MUC17: variants seen among roughly 807,000 people sequenced by gnomAD.
The protein encoded by MUC17 is mucin 17, cell surface associated.
A neutral mutation model predicts 170.3 loss-of-function variants in MUC17; 190 were observed. The observed-to-expected ratio is 1.12, with a 90% CI of 0.99 to 1.26. The LOEUF is 1.26. Among genes scored for constraint, MUC17 ranks in the 50% most tolerant of loss-of-function variants. The pLI is 0.00. For synonymous variants in MUC17, 2,325 were observed against 2,002.5 expected (o/e 1.16, Z -4.30); for missense variants, 6,415 against 5,530.0 (o/e 1.16, Z -5.08).
At position 101,042,372 on chromosome 7, in the gene MUC17, T is replaced by C. The variant is rs748546470; in HGVS notation, c.10956T>C (p.Ala3652=). ...CCACATCGGTGACCATTTCTGAGGC[T>C]GGCACAGCTTCAACACTTCCTGTTG... The part of the protein sequence containing the change: ...VSTTSVTISE[A]GTASTLPVDT... The change falls in exon 3 of 13, where the codon GCT becomes GCC. Residue 3652 remains alanine (A), a synonymous_variant. Transcript: ENST00000306151. 1.2e-6 allele frequency: 2 copies of C among 1,614,164 alleles called. No individual in the cohort carries two copies. The highest frequency in any genetic ancestry group is 8.5e-7 in the Non-Finnish European group (1 of 1,179,970).
rs71557215 is a variant in MUC17 at position 101,033,533 on chromosome 7, G to A, written c.2117G>A (p.Ser706Asn). The change falls in exon 3 of 13, where the codon AGC (serine) becomes AAC (asparagine). Residue 706 changes from serine (S) to asparagine (N), a missense_variant. Physicochemically the swap from Ser to Asn is conservative, Grantham distance 46 (BLOSUM62 1). Coordinates refer to ENST00000306151, the MANE Select transcript of MUC17 (RefSeq NM_001040105.2). ...ACACTGGTGGCCAGTTCTGAGGCTA[G>A]CACCCTTTCAACAACTCCTGTTGAC... ...NTTLVASSEA[S>N]TLSTTPVDTS... The A allele has an allele frequency of 1.9e-6, 3 of 1,614,100 alleles. No homozygotes were observed. The highest frequency in any genetic ancestry group is 1.1e-5 in the South Asian group (1 of 91,066).
chr7:101,049,497 A>T, intron 6 of MUC17, 115 bp downstream of exon 6: 1 of 1,369,916 alleles, frequency 7.3e-7, no homozygotes, highest in South Asian at 1.4e-5. Flanking sequence ...CTATTGCAGA[A>T]TACCACCGAT....
intron 12 of MUC17, among the ~76,000 whole-genome samples, chr7:101,057,523 G>A (rs1795068735): frequency 6.6e-6 from 1 of 152,200 alleles, no homozygotes. Flanking sequence ...CAGGAAGATT[G>A]TCTGAAGTCA....
intron 12 of MUC17, 131 bp from the exon 13 acceptor site, chr7:101,057,872 C>T: frequency 1.4e-6 from 1 of 715,540 alleles, no homozygotes; most frequent in South Asian, 2.2e-5. Flanking sequence ...AGAGTAAGAC[C>T]CTGTCTCAAA....
chr7:101,053,239 TGGGCAGCGG>T, intron 10 of MUC17, 91 bp from the exon 11 acceptor site: 2 of 1,585,896 alleles, frequency 1.3e-6, no homozygotes, highest in Admixed American at 1.7e-5. Context: ...ATAGTCTAGG[TGGGCAGCGG>T]GGGCAGCTAA....
chr7:101,050,763 G>A, intron 7 of MUC17, 128 bp downstream of exon 7: 1 of 1,358,830 alleles, frequency 7.4e-7, no homozygotes, highest in South Asian at 1.5e-5. Context: ...TGGGGTCCTA[G>A]AGTCCCTGGG....
rs144624588 is a variant in MUC17, at chr7:101,038,092, C to A, written c.6676C>A (p.Pro2226Thr). The change falls in exon 3 of 13, where the codon CCT (proline) becomes ACT (threonine). Residue 2226 changes from proline (P) to threonine (T), a missense_variant. Transcript: ENST00000306151. ...AGGAAGCACTCCATTCACAAGTATG[C>A]CTGTCAGCACCATGCCGGTAGTTAC... ...SEGSTPFTSM[P>T]VSTMPVVTSE... 1.4e-6 allele frequency: 2 copies of A among 1,406,114 alleles called. No homozygotes were observed. Among genetic ancestry groups the A allele is most frequent in the African/African-American group, 1.5e-5 (1 of 68,816 alleles). 87.1% of individuals were successfully genotyped at this position (1,406,114 alleles called of 1,614,324 possible).
At position 101,041,611 on chromosome 7, in the gene MUC17, A is replaced by G. The variant is rs750890317; in HGVS notation, c.10195A>G (p.Thr3399Ala). ...IPTSSPSEGTTPLASMPVSTT... is the reference protein window; with the variant it reads ...IPTSSPSEGTAPLASMPVSTT... Reference sequence around the variant, plus strand: ...AACCTCAAGTCCTAGTGAAGGAACCACTCCATTAGCAAGTATGCCTGTCAG... The same window carrying G: ...AACCTCAAGTCCTAGTGAAGGAACCGCTCCATTAGCAAGTATGCCTGTCAG... The change falls in exon 3 of 13, where the codon ACT (threonine) becomes GCT (alanine). Residue 3399 changes from threonine to alanine, a missense_variant. Physicochemically the swap from Thr to Ala is moderately conservative, Grantham distance 58 (BLOSUM62 0). Transcript: ENST00000306151. 31 of 1,613,010 alleles carry G rather than the reference A, an allele frequency of 1.9e-5. No homozygotes were observed. The East Asian group carries it at 6.9e-4, about 36-fold the overall frequency.
chr7:101,035,922 C>A lies in MUC17; in HGVS notation c.4506C>A (p.Thr1502=). ...VSSSPTPAEG[T]SIAISTPSEG... ...CATCTCCTACACCTGCTGAAGGTAC[C>A]AGCATAGCAATCTCAACGCCTAGTG... The change falls in exon 3 of 13, where the codon ACC becomes ACA. Residue 1502 remains threonine, a synonymous_variant. Coordinates refer to ENST00000306151, the MANE Select transcript of MUC17 (RefSeq NM_001040105.2). 6.2e-7 allele frequency: 1 copy of A among 1,612,984 alleles called. No individual in the cohort carries two copies. The highest frequency in any genetic ancestry group is 8.5e-7 in the Non-Finnish European group (1 of 1,179,484).
chr7:101,042,182 C>T lies in MUC17; in HGVS notation c.10766C>T (p.Thr3589Ile). Reference protein sequence around the residue: ...TTMLLSSTYVTSSEASTPSTP... With the variant: ...TTMLLSSTYVISSEASTPSTP... Reference sequence around the variant, plus strand: ...ATGCTCCTCAGCAGCACATATGTGACCAGTTCTGAGGCTAGCACACCTTCC... The same window carrying T: ...ATGCTCCTCAGCAGCACATATGTGATCAGTTCTGAGGCTAGCACACCTTCC... The change falls in exon 3 of 13, where the codon ACC (threonine) becomes ATC (isoleucine). Residue 3589 changes from threonine (T) to isoleucine (I), a missense_variant. By Grantham distance (89) the Thr-to-Ile change is moderately conservative. Transcript: ENST00000306151. 6.2e-7 allele frequency: 1 copy of T among 1,614,168 alleles called. No individual in the cohort carries two copies. Among genetic ancestry groups the T allele is most frequent in the Non-Finnish European group, 8.5e-7 (1 of 1,180,034 alleles).
rs753327030 is a variant in MUC17, at chr7:101,035,069, G to A, written c.3653G>A (p.Ser1218Asn). Residue 1218 changes from serine to asparagine, a missense_variant, in exon 3 of 13, where the codon AGC (serine) becomes AAC (asparagine). Coordinates refer to ENST00000306151, the MANE Select transcript of MUC17 (RefSeq NM_001040105.2). ...CCAACCTCAACTCCTGGAGAAAGAA[G>A]CACTCCATTAACAAGTATGCCTGTC... ...SMPTSTPGER[S>N]TPLTSMPVRH... 10 of 1,612,714 alleles carry A rather than the reference G, an allele frequency of 6.2e-6. No individual in the cohort carries two copies. Among genetic ancestry groups the A allele is most frequent in the Admixed American group, 1.7e-5 (1 of 59,880 alleles).
rs1037997335 is a variant in MUC17 at position 101,038,801 on chromosome 7, C to T, written c.7385C>T (p.Pro2462Leu). 1 of 1,612,818 alleles carries T rather than the reference C, an allele frequency of 6.2e-7. No individual in the cohort carries two copies. The highest frequency in any genetic ancestry group is 8.5e-7 in the Non-Finnish European group (1 of 1,179,438). The change falls in exon 3 of 13, where the codon CCT becomes CTT. Residue 2462 changes from proline (P) to leucine (L), a missense_variant. Transcript: ENST00000306151. ...GGAACCACTCCGTTAGCAAGTATGC[C>T]TGTCAGCACCACGCCGGTGGTCAGT... ...SEGTTPLASM[P>L]VSTTPVVSSE... is the part of the protein sequence containing the mutation.
chr7:101,031,530 C>A (rs1029842974), intron 2 of MUC17, 71 bp from the exon 3 acceptor site: 2 of 1,442,290 alleles, frequency 1.4e-6, no homozygotes, highest in African/African-American at 2.9e-5. Context: ...AAAAGCCCAA[C>A]TACAACAATC....
chr7:101,038,111 T>C lies in MUC17; in HGVS notation c.6695T>C (p.Val2232Ala). The C allele has an allele frequency of 2.1e-6, 3 of 1,405,460 alleles. No individual in the cohort carries two copies. Among genetic ancestry groups the C allele is most frequent in the Non-Finnish European group, 2.9e-6 (3 of 1,049,916 alleles). The allele number at this position is 1,405,460 out of a possible 1,614,324, so 87.1% of individuals were successfully genotyped here. The change falls in exon 3 of 13, where the codon GTA becomes GCA. Residue 2232 changes from valine (V) to alanine (A), a missense_variant. By Grantham distance (64) the Val-to-Ala change is moderately conservative (BLOSUM62 0). Transcript: ENST00000306151. ...FTSMPVSTMP[V>A]VTSEASTLSA... ...AGTATGCCTGTCAGCACCATGCCGGTAGTTACTTCTGAGGCTAGCACCCTT... is the reference window on the plus strand; with the variant it reads ...AGTATGCCTGTCAGCACCATGCCGGCAGTTACTTCTGAGGCTAGCACCCTT...
Position 101,037,217 on chromosome 7 carries a change from G to A in MUC17, c.5801G>A (p.Ser1934Asn), listed in dbSNP as rs773804353. 5 of 1,612,206 alleles carry A rather than the reference G, an allele frequency of 3.1e-6. No individual in the cohort carries two copies. The highest frequency in any genetic ancestry group is 2.2e-5 in the South Asian group (2 of 90,862). ...CCTCCATTAACAAGTATACCTGTCA[G>A]CACCACAACAGTGGCCAGTTCTGAA... ...GRPPLTSIPV[S>N]TTTVASSEIN... The change falls in exon 3 of 13, where the codon AGC (serine) becomes AAC (asparagine). Residue 1934 changes from serine to asparagine, a missense_variant. Ser to Asn is a conservative substitution (Grantham distance 46). Transcript: ENST00000306151.
rs143338962 is a variant in MUC17 at position 101,038,495 on chromosome 7, C to T, written c.7079C>T (p.Thr2360Ile). 1 of 1,604,398 alleles carries T rather than the reference C, an allele frequency of 6.2e-7. No individual in the cohort carries two copies. The highest frequency in any genetic ancestry group is 1.3e-5 in the African/African-American group (1 of 74,440). ...AGTTTTGAAACAAGCACACTTTCTA[C>T]AACTCCTGCTGACACCAGCACACCT... The part of the protein sequence containing the change: ...VASFETSTLS[T>I]TPADTSTPVT... Residue 2360 changes from threonine to isoleucine, a missense_variant, in exon 3 of 13, where the codon ACA becomes ATA. By Grantham distance (89) the Thr-to-Ile change is moderately conservative. Transcript: ENST00000306151.
In MUC17 at chr7:101,043,203, CA is replaced by C; in HGVS notation, c.11788del (p.Thr3930GlnfsTer36). On this transcript the variant is annotated frameshift_variant, in exon 3 of 13. Coordinates refer to ENST00000306151, the MANE Select transcript of MUC17 (RefSeq NM_001040105.2). LOFTEE classifies it high-confidence loss of function. ...VATTISVSVITEGSTPGTTIF... is the reference protein window; with the variant it reads ...VATTISVSVIXEGSTPGTTIF... ...CCACCACCATATCTGTATCAGTGAT[CA>C]CAGAAGGAAGCACACCTGGGACAAC... is the stretch of plus-strand genomic sequence containing the variant. 1.2e-6 allele frequency: 2 copies of C among 1,614,154 alleles called. No homozygotes were observed. The highest frequency in any genetic ancestry group is 1.7e-6 in the Non-Finnish European group (2 of 1,180,016).
rs1432434669 is a variant in MUC17, at chr7:101,053,368, A to G, written c.13295A>G (p.Lys4432Arg). The G allele has an allele frequency of 6.2e-7, 1 of 1,614,122 alleles. No individual in the cohort carries two copies. Among genetic ancestry groups the G allele is most frequent in the African/African-American group, 1.3e-5 (1 of 75,010 alleles). ...AAGTACAGATTGTCTCAGTTATACA[A>G]GTGGCAAGAAGAGGACAGTGGACCA... is the stretch of plus-strand genomic sequence containing the variant. The part of the protein sequence containing the change: ...RQKYRLSQLY[K>R]WQEEDSGPAP... The change falls in exon 11 of 13, where the codon AAG (lysine) becomes AGG (arginine). Residue 4432 changes from lysine to arginine, a missense_variant. Physicochemically the swap from Lys to Arg is conservative, Grantham distance 26. Transcript: ENST00000306151.
Position 101,049,360 on chromosome 7 carries a change from G to A in MUC17, c.12700G>A (p.Gly4234Arg), listed in dbSNP as rs780274013. ...GTATTCCGGGATCCCTGAGTATGTC[G>A]GGGTGAACATCACAAAGCTACGGTA... ...IVYSGIPEYV[G>R]VNITKLRLGS... The change falls in exon 6 of 13, where the codon GGG becomes AGG. Residue 4234 changes from glycine to arginine, a missense_variant. Coordinates refer to ENST00000306151, the MANE Select transcript of MUC17 (RefSeq NM_001040105.2). The A allele has an allele frequency of 8.7e-6, 14 of 1,613,332 alleles. No individual in the cohort carries two copies. Among genetic ancestry groups the A allele is most frequent in the African/African-American group, 1.3e-5 (1 of 74,864 alleles).
Sources: allele counts gnomAD v4.1 joint callset (sites outside exome capture counted in the v4.1 genomes callset), GRCh38; gene constraint gnomAD v4.1.1; transcripts MANE v1.5; gene names NCBI Gene and HGNC (gene_info 2026-07-23, HGNC 2026-07-21).